ITGAD: variants seen among roughly 807,000 people sequenced by gnomAD.
ITGAD encodes integrin alpha-D.
A neutral mutation model predicts 139.0 loss-of-function variants in ITGAD; 105 were observed. The ratio of observed to expected loss-of-function variants is 0.76; its 90% CI spans 0.65 to 0.89. The LOEUF (loss-of-function observed/expected upper bound fraction) is 0.89, where lower values mean the gene tolerates loss of function less well. Ranked by LOEUF, ITGAD falls within the 40% of genes least tolerant of loss-of-function variation. ITGAD has a pLI of 0.00. For synonymous variants in ITGAD, 569 were observed against 598.3 expected (o/e 0.95, Z 0.71); for missense variants, 1,384 against 1,487.3 (o/e 0.93, Z 1.14).
Position 31,402,213 on chromosome 16 carries a change from G to T in ITGAD, c.526G>T (p.Val176Phe), listed in dbSNP as rs1238160830. The T allele has an allele frequency of 4.6e-6, 7 of 1,526,482 alleles. No individual in the cohort carries two copies. Among genetic ancestry groups the T allele is most frequent in the African/African-American group, 1.4e-5 (1 of 71,812 alleles). 94.6% of individuals were successfully genotyped at this position (1,526,482 alleles called of 1,614,324 possible). The change falls in exon 6 of 30, where the codon GTC (valine) becomes TTC (phenylalanine). Residue 176 changes from valine to phenylalanine, a missense_variant. Transcript: ENST00000389202. The part of the protein sequence containing the change: ...FNQMKGFVQA[V>F]MGQFEGTDTL... ...CCAGATGAAGGGCTTTGTCCAAGCT[G>T]TCATGGGCCAGTTTGAGGGCACTGA...
chr16:31,412,636 C>T (rs1403657803), intron 14 of ITGAD, among the ~76,000 whole-genome samples: 1 of 152,180 alleles, frequency 6.6e-6, no homozygotes, highest in African/African-American at 2.4e-5. Flanking sequence ...GACACCCTTC[C>T]AATCTCCACT....
intron 5 of ITGAD, among the ~76,000 whole-genome samples, chr16:31,400,517 G>A (rs534598504): frequency 1.3e-5 from 2 of 152,288 alleles, no homozygotes; most frequent in South Asian, 4.1e-4. Flanking sequence ...ATGAGCCTGG[G>A]GACAGCATGA....
chr16:31,424,318 C>A, intron 28 of ITGAD, 115 bp downstream of exon 28: 1 of 1,362,208 alleles, frequency 7.3e-7, no homozygotes, highest in Non-Finnish European at 1.0e-6. Flanking sequence ...AGTCTCTGGG[C>A]AGGACAGCTG....
Position 31,403,796 on chromosome 16 carries a change from G to C in ITGAD, c.704+151G>C. 1 of 928,242 alleles carries C rather than the reference G, an allele frequency of 1.1e-6. No individual in the cohort carries two copies. Among genetic ancestry groups the C allele is most frequent in the Non-Finnish European group, 1.6e-6 (1 of 626,344 alleles). 57.5% of individuals were successfully genotyped at this position (928,242 alleles called of 1,614,324 possible). A position where few individuals can be genotyped will look rare whatever the true frequency, so the allele number is the denominator to read the frequency against. ...GGGCTGCAGGGAGAACCTCCCCCCG[G>C]GGTGCTCCTGGTTGCCTCGCTGCCA... On this transcript the variant is annotated intron_variant, in intron 7 of 29. Coordinates refer to ENST00000389202, the MANE Select transcript of ITGAD (RefSeq NM_005353.3). The surrounding 1 kb of genome is among the most constrained non-coding windows in gnomAD (Gnocchi z 4.4).
chr16:31,419,448 A>G (rs2081966121), intron 23 of ITGAD, among the ~76,000 whole-genome samples: 1 of 152,194 alleles, frequency 6.6e-6, no homozygotes, highest in African/African-American at 2.4e-5. Context: ...ATACCATATC[A>G]CCTAGCTGTG....
chr16:31,413,321 G>T, intron 16 of ITGAD, 75 bp downstream of exon 16: 1 of 1,472,120 alleles, frequency 6.8e-7, no homozygotes, highest in Non-Finnish European at 9.3e-7. Context: ...AGGATGGGAT[G>T]GGCCTAGGAA....
chr16:31,422,351 G>T (rs558440489), intron 23 of ITGAD, among the ~76,000 whole-genome samples: 15 of 152,298 alleles, frequency 9.8e-5, no homozygotes, highest in African/African-American at 3.6e-4. Context: ...GCTGAAGGAA[G>T]TTTGGGTGGA....
chr16:31,411,547 C>G (rs773897570), intron 14 of ITGAD, 30 bp downstream of exon 14: 2 of 1,606,008 alleles, frequency 1.2e-6, no homozygotes, highest in Admixed American at 3.3e-5. Context: ...TCTTTTAGTC[C>G]CAGCTCCTTC....
Position 31,411,351 on chromosome 16 carries a change from G to T in ITGAD, c.1541G>T (p.Gly514Val). The change falls in exon 14 of 30, where the codon GGC (glycine) becomes GTC (valine). Residue 514 changes from glycine to valine, a missense_variant. By Grantham distance (109) the Gly-to-Val change is moderately radical. Transcript: ENST00000389202. ...QCDAVLRGEQGHPWGRFGAAL... is the reference protein window; with the variant it reads ...QCDAVLRGEQVHPWGRFGAAL... ...GACGCTGTTCTCCGTGGTGAGCAGG[G>T]CCACCCCTGGGGCCGCTTTGGGGCA... 6.2e-7 allele frequency: 1 copy of T among 1,613,990 alleles called. No individual in the cohort carries two copies. Among genetic ancestry groups the T allele is most frequent in the South Asian group, 1.1e-5 (1 of 91,080 alleles).
In ITGAD at chr16:31,416,287, G is replaced by A; in HGVS notation, c.2357+1G>A. 3.1e-6 allele frequency: 5 copies of A among 1,598,898 alleles called. No homozygotes were observed. The highest frequency in any genetic ancestry group is 4.3e-6 in the Non-Finnish European group (5 of 1,171,062). On this transcript the variant is annotated splice_donor_variant, in intron 19 of 29. Coordinates refer to ENST00000389202, the MANE Select transcript of ITGAD (RefSeq NM_005353.3). LOFTEE classifies it high-confidence loss of function. ...TGGGTGTCACCCTCAGCTTCTCAGG[G>A]TGAGCTGTAACTCCCTTCATATCCA...
At chr16:31,415,127 C>A (rs1330118348) in intron 18 of ITGAD, 136 bp downstream of exon 18, 1 of 979,852 alleles carries the variant, frequency 1.0e-6, no homozygotes, top group African/African-American at 1.6e-5. Flanking sequence ...TTCCTCCTCA[C>A]ACCCAGGCCT....
rs147850042 is a variant in ITGAD at position 31,396,230 on chromosome 16, G to A, written c.138-1129G>A. ...CTCATGCCTATAATCCTAGAACTTT[G>A]GGAGGCTGAGGCGGGTGGATCACCT... On this transcript the variant is annotated intron_variant, in intron 2 of 29. Coordinates refer to ENST00000389202, the MANE Select transcript of ITGAD (RefSeq NM_005353.3). 7.7e-3 allele frequency among the ~76,000 whole-genome samples: 1,168 copies of A among 152,296 alleles called. 18 individuals are homozygous for A. The highest frequency in any genetic ancestry group is 0.027 in the African/African-American group (1,107 of 41,552).
At chr16:31,395,203 C>A (rs2081235104) in intron 2 of ITGAD, among the ~76,000 whole-genome samples, 1 of 152,118 alleles carries the variant, frequency 6.6e-6, no homozygotes, top group African/African-American at 2.4e-5. Flanking sequence ...ATCTGTAATC[C>A]CAGCTACTTG....
chr16:31,401,137 G>A (rs1327666332), intron 5 of ITGAD, among the ~76,000 whole-genome samples: 1 of 152,160 alleles, frequency 6.6e-6, no homozygotes, highest in East Asian at 1.9e-4. Flanking sequence ...GTGCACACCT[G>A]TAGTCCCAGC....
chr16:31,413,543 C>T (rs138077823), intron 16 of ITGAD, among the ~76,000 whole-genome samples: 5 of 152,302 alleles, frequency 3.3e-5, no homozygotes, highest in African/African-American at 1.2e-4. Flanking sequence ...TCCCACATCT[C>T]TTCTTGCACC....
chr16:31,410,940 G>A (rs2081685285), intron 12 of ITGAD, 62 bp downstream of exon 12: 5 of 1,599,836 alleles, frequency 3.1e-6, no homozygotes, highest in East Asian at 2.2e-5. Context: ...TGGGGACAGT[G>A]GCCGGGGCTA....
intron 5 of ITGAD, 147 bp from the exon 6 acceptor site, chr16:31,401,967 TG>T: frequency 1.2e-6 from 1 of 835,588 alleles, no homozygotes; most frequent in Non-Finnish European, 1.9e-6. Flanking sequence ...AGCAGGGGGC[TG>T]GGGTGGCAGA....
Position 31,403,303 on chromosome 16 carries a change from GTC to G in ITGAD, c.559-193_559-192del. The G allele has an allele frequency of 1.7e-6, 1 of 593,266 alleles. No individual in the cohort carries two copies. Among genetic ancestry groups the G allele is most frequent in the Non-Finnish European group, 2.9e-6 (1 of 343,994 alleles). The allele number at this position is 593,266 out of a possible 1,614,324, so 36.8% of individuals were successfully genotyped here. ...AGCCTGGGCAACATAGTGAGACCTTGTCTCTACCAAAAACAAAACAAAACAAA... is the reference window on the plus strand; with the variant it reads ...AGCCTGGGCAACATAGTGAGACCTTGTCTACCAAAAACAAAACAAAACAAA... On this transcript the variant is annotated intron_variant, in intron 6 of 29. Transcript: ENST00000389202. The surrounding 1 kb of genome is among the most constrained non-coding windows in gnomAD (Gnocchi z 4.4).
chr16:31,406,608 G>A (rs867253461), intron 7 of ITGAD, among the ~76,000 whole-genome samples: 2 of 152,144 alleles, frequency 1.3e-5, no homozygotes, highest in Admixed American at 6.5e-5. Context: ...TGGTGGGGAC[G>A]GCTGAGCCTC....
Sources: gnomAD v4.1 joint callset for allele counts (sites outside exome capture counted in the v4.1 genomes callset) on GRCh38, gnomAD v4.1.1 for gene constraint, Gnocchi (gnomAD v3.1) non-coding constraint, MANE v1.5 for transcripts, NCBI Gene and HGNC (gene_info 2026-07-23, HGNC 2026-07-21) for gene names.